ULK4: variants seen among roughly 807,000 people sequenced by gnomAD.
The protein encoded by ULK4 is unc-51 like kinase 4.
In ULK4, 133 loss-of-function variants were observed where a neutral mutation model predicts 160.6. The observed-to-expected ratio is 0.83, with a 90% CI of 0.72 to 0.96. The LOEUF (loss-of-function observed/expected upper bound fraction) is 0.96, where lower values mean the gene tolerates loss of function less well. Among genes scored for constraint, ULK4 ranks in the 40% least tolerant of loss-of-function variants. ULK4 has a pLI of 0.00. For missense variants in ULK4, 1,580 were observed against 1,499.5 expected (o/e 1.05, Z -0.89); for synonymous variants, 534 against 539.8 (o/e 0.99, Z 0.15).
intron 29 of ULK4, among the ~76,000 whole-genome samples, chr3:41,677,432 T>C (rs995663855): frequency 6.6e-6 from 1 of 151,382 alleles, no homozygotes; most frequent in African/African-American, 2.4e-5. Context: ...CCCGGGTTCA[T>C]GCCATTCTCC....
chr3:41,404,698 C>T (rs9812079), intron 34 of ULK4, among the ~76,000 whole-genome samples: 53,235 of 152,002 alleles, frequency 0.35, 9,977 homozygotes, highest in South Asian at 0.5. Flanking sequence ...GATTAGATTC[C>T]TTATAAAAGG....
In ULK4 at chr3:41,275,920, T is replaced by C. The variant is rs1004392388; in HGVS notation, c.3679-26346A>G. On this transcript the variant is annotated intron_variant, in intron 35 of 36. Transcript: ENST00000301831. ...TGGGTATGGGCTTTGTCTATGGATGTATTAAAGAAGGAATATCAACAAAGA... is the reference window on the plus strand; with the variant it reads ...TGGGTATGGGCTTTGTCTATGGATGCATTAAAGAAGGAATATCAACAAAGA... Among the ~76,000 whole-genome samples, 76 of 152,244 alleles carry C rather than the reference T, an allele frequency of 5.0e-4. 1 individual carries two copies. Among genetic ancestry groups the C allele is most frequent in the African/African-American group, 1.5e-3 (64 of 41,462 alleles).
chr3:41,533,314 TTTA>T (rs1185552917), intron 32 of ULK4, among the ~76,000 whole-genome samples: 1 of 152,242 alleles, frequency 6.6e-6, no homozygotes, highest in Non-Finnish European at 1.5e-5. Context: ...GTAAAATTTA[TTTA>T]TTATTTTTAG....
At chr3:41,874,530 A>G (rs1559622628) in intron 17 of ULK4, among the ~76,000 whole-genome samples, 2 of 152,254 alleles carry the variant, frequency 1.3e-5, no homozygotes, top group South Asian at 2.1e-4. Flanking sequence ...ACCAAAAAAC[A>G]TGAGGACATA....
intron 35 of ULK4, among the ~76,000 whole-genome samples, chr3:41,274,927 A>T (rs2079203722): frequency 6.6e-6 from 1 of 152,158 alleles, no homozygotes; most frequent in Non-Finnish European, 1.5e-5. Context: ...CGACTCTGCT[A>T]AGCCTTTGGA....
intron 22 of ULK4, among the ~76,000 whole-genome samples, chr3:41,722,065 GT>G (rs1202241230): frequency 3.3e-5 from 5 of 152,146 alleles, no homozygotes; most frequent in Non-Finnish European, 7.4e-5. Flanking sequence ...ACAAACTTCA[GT>G]TTTCTAATTA....
intron 32 of ULK4, among the ~76,000 whole-genome samples, chr3:41,497,466 A>G (rs2085036169): frequency 6.6e-6 from 1 of 152,140 alleles, no homozygotes; most frequent in Non-Finnish European, 1.5e-5. Flanking sequence ...GAATGGAAGA[A>G]AAAATATTTT....
intron 19 of ULK4, among the ~76,000 whole-genome samples, chr3:41,813,716 C>T (rs1170419831): frequency 1.3e-5 from 2 of 152,168 alleles, no homozygotes; most frequent in Non-Finnish European, 2.9e-5. Flanking sequence ...ATCCTACAGT[C>T]TAAATTTCTA....
At chr3:41,264,520 A>C (rs2078996661) in intron 35 of ULK4, among the ~76,000 whole-genome samples, 1 of 152,242 alleles carries the variant, frequency 6.6e-6, no homozygotes, top group Non-Finnish European at 1.5e-5. Flanking sequence ...TTGTAGGGCT[A>C]AATGCTGAAA....
At chr3:41,563,774 G>T (rs796568397) in intron 32 of ULK4, among the ~76,000 whole-genome samples, 62 of 152,182 alleles carry the variant, frequency 4.1e-4, no homozygotes, top group African/African-American at 1.5e-3. Flanking sequence ...CTTTTTTCAA[G>T]GTTTTTAGCT....
rs568037972 is a variant in ULK4 at position 41,386,768 on chromosome 3, C to T, written c.3678+11311G>A. On this transcript the variant is annotated intron_variant, in intron 35 of 36. Transcript: ENST00000301831. ...CAAACTGCAGATACTAGGAGGAGAC[C>T]GCAAGTAAGGATGAAAGTAGAGAGC... Among the ~76,000 whole-genome samples, 4 of 152,148 alleles carry T rather than the reference C, an allele frequency of 2.6e-5. No homozygotes were observed. In the South Asian group the frequency reaches 8.3e-4, roughly 32 times the overall value.
intron 32 of ULK4, among the ~76,000 whole-genome samples, chr3:41,516,967 A>G (rs1275122475): frequency 6.6e-6 from 1 of 152,144 alleles, no homozygotes; most frequent in Non-Finnish European, 1.5e-5. Context: ...ATGTACCCAT[A>G]AACAATTTTT....
At position 41,953,024 on chromosome 3, in the gene ULK4, T is replaced by C. The variant is rs541829740; in HGVS notation, c.138+1598A>G. Among the ~76,000 whole-genome samples, 185 of 151,910 alleles carry C rather than the reference T, an allele frequency of 1.2e-3. 1 individual carries two copies. Among genetic ancestry groups the C allele is most frequent in the African/African-American group, 4.2e-3 (174 of 41,452 alleles). On this transcript the variant is annotated intron_variant, in intron 2 of 36. Coordinates refer to ENST00000301831, the MANE Select transcript of ULK4 (RefSeq NM_017886.4). ...ACAGAGACAAAAAGTAGAATGATAG[T>C]TGCCAAAAGCTGGAGAAGGAGAAAT...
chr3:41,735,476 GC>G (rs1302032641), intron 22 of ULK4, among the ~76,000 whole-genome samples: 5 of 152,002 alleles, frequency 3.3e-5, no homozygotes, highest in African/African-American at 1.2e-4. Flanking sequence ...AGCTCTATGT[GC>G]CCATCAGTGA....
intron 35 of ULK4, among the ~76,000 whole-genome samples, chr3:41,322,859 G>A (rs2080270452): frequency 1.3e-5 from 2 of 152,090 alleles, no homozygotes; most frequent in Non-Finnish European, 2.9e-5. Context: ...ATTGTAGAAG[G>A]TTATCTTTAT....
At chr3:41,541,118 G>A (rs932050829) in intron 32 of ULK4, among the ~76,000 whole-genome samples, 6 of 152,158 alleles carry the variant, frequency 3.9e-5, no homozygotes, top group East Asian at 1.9e-4. Flanking sequence ...CCTATGTCCT[G>A]AATGGTATTG....
At chr3:41,562,716 G>C (rs2087634086) in intron 32 of ULK4, among the ~76,000 whole-genome samples, 1 of 151,958 alleles carries the variant, frequency 6.6e-6, no homozygotes, top group African/African-American at 2.4e-5. Flanking sequence ...TTGCTTGGTA[G>C]ATCTTCCTCC....
At chr3:41,697,233 G>C (rs1246574695) in intron 27 of ULK4, among the ~76,000 whole-genome samples, 4 of 152,140 alleles carry the variant, frequency 2.6e-5, no homozygotes, top group Non-Finnish European at 5.9e-5. Flanking sequence ...ATGGCACAAT[G>C]ACGCTTCGGT....
chr3:41,342,024 G>C (rs974082087), intron 35 of ULK4, among the ~76,000 whole-genome samples: 3 of 152,188 alleles, frequency 2.0e-5, no homozygotes, highest in Admixed American at 2.0e-4. Flanking sequence ...TGATTTTGGG[G>C]TGAAAAAATT....
Sources: gnomAD v4.1 joint callset for allele counts (sites outside exome capture counted in the v4.1 genomes callset) on GRCh38, gnomAD v4.1.1 for gene constraint, MANE v1.5 for transcripts, NCBI Gene and HGNC (gene_info 2026-07-23, HGNC 2026-07-21) for gene names.